Variants in AFAP1 observed in about 807,000 individuals in gnomAD.
AFAP1 encodes the protein actin filament associated protein 1, also known as actin filament-associated protein 1.
Under a neutral mutation model 93.9 loss-of-function variants are expected in AFAP1, and 75 were observed. The ratio of observed to expected loss-of-function variants is 0.80; its 90% confidence interval spans 0.66 to 0.97. AFAP1 has a LOEUF of 0.97. AFAP1 is among the 50% of genes least tolerant of loss of function. The probability of loss-of-function intolerance (pLI) is 0.00; values close to 1 mark genes in which losing one functional copy is unlikely to be tolerated. For missense variants in AFAP1, 1,201 were observed against 1,050.8 expected, an observed-to-expected ratio of 1.14 and a Z score of -1.98; for synonymous variants, 517 against 430.7, an observed-to-expected ratio of 1.20 and a Z score of -2.48.
chr4:7,805,805 C>T (rs1034937473), intron 9 of AFAP1, among the ~76,000 whole-genome samples: 7 of 152,182 alleles, frequency 4.6e-5, no homozygotes, highest in East Asian at 1.9e-4. Flanking sequence ...AAAAGTGAAG[C>T]GGGGACAGCA....
At chr4:7,845,176 C>G (rs1183444430) in intron 4 of AFAP1, among the ~76,000 whole-genome samples, 1 of 152,132 alleles carries the variant, frequency 6.6e-6, no homozygotes, top group Non-Finnish European at 1.5e-5. Flanking sequence ...AATCGCAGCC[C>G]TTTGGGAGGC....
rs371904848 is a variant in AFAP1, at chr4:7,766,846, C to T, written c.2418+1998G>A. Reference sequence around the variant, plus strand: ...GGTTATGAGCCAGGAAGCCCTGGGGCACGGGATTGGAAGCCGTCTGACTTT... The same window carrying T: ...GGTTATGAGCCAGGAAGCCCTGGGGTACGGGATTGGAAGCCGTCTGACTTT... On this transcript the variant is annotated intron_variant, in intron 17 of 17. Transcript: ENST00000420658. Among the ~76,000 whole-genome samples, 10 of 152,262 alleles carry T rather than the reference C, an allele frequency of 6.6e-5. No homozygotes were observed. The East Asian group carries it at 1.4e-3, about 21-fold the overall frequency.
rs182139815 is a variant in AFAP1 at position 7,822,261 on chromosome 4, C to A, written c.727-3090G>T. ...TGTTTATGTGAAGCTGAGCAATTCT[C>A]AGAGCCTTGCTTCCTTCCTCAATAA... is the stretch of plus-strand genomic sequence containing the variant. On this transcript the variant is annotated intron_variant, in intron 6 of 17. Coordinates refer to ENST00000420658, the MANE Select transcript of AFAP1 (RefSeq NM_001134647.2). Among the ~76,000 whole-genome samples, 128 of 152,288 alleles carry A rather than the reference C, an allele frequency of 8.4e-4. 1 individual carries two copies. Among genetic ancestry groups the A allele is most frequent in the Non-Finnish European group, 3.8e-4 (26 of 68,028 alleles).
intron 1 of AFAP1, among the ~76,000 whole-genome samples, chr4:7,893,280 C>T (rs181721041): frequency 5.5e-4 from 83 of 152,238 alleles, no homozygotes; most frequent in South Asian, 3.9e-3. Context: ...ACACTTTTAA[C>T]GTAAAAAAGC....
chr4:7,903,041 G>C (rs28444857), intron 1 of AFAP1, among the ~76,000 whole-genome samples: 2 of 152,184 alleles, frequency 1.3e-5, no homozygotes, highest in Admixed American at 1.3e-4. Flanking sequence ...CTCCAGGCAA[G>C]TATCTGAGGA....
chr4:7,870,427 A>C (rs956626997), intron 2 of AFAP1, among the ~76,000 whole-genome samples: 1 of 152,188 alleles, frequency 6.6e-6, no homozygotes, highest in Non-Finnish European at 1.5e-5. Context: ...TTGGAGGCCG[A>C]GGCAGGCAGA....
chr4:7,868,586 A>C lies in AFAP1; in HGVS notation c.225+36T>G, dbSNP rs201858417. 1.4e-4 allele frequency: 223 copies of C among 1,590,462 alleles called. No individual in the cohort carries two copies. The African/African-American group carries it at 2.5e-3, about 18-fold the overall frequency. ...AGCCCGTAAGTACCCCCAGGCCTCC[A>C]GCGATGACCACTGAGATGGTGGGAC... On this transcript the variant is annotated intron_variant, in intron 3 of 17. Coordinates refer to ENST00000420658, the MANE Select transcript of AFAP1 (RefSeq NM_001134647.2).
chr4:7,837,958 G>A (rs1712511516), intron 6 of AFAP1, among the ~76,000 whole-genome samples: 1 of 152,136 alleles, frequency 6.6e-6, no homozygotes, highest in Non-Finnish European at 1.5e-5. Context: ...AGGTTGCAGT[G>A]AACCACGATC....
intron 3 of AFAP1, among the ~76,000 whole-genome samples, chr4:7,864,566 C>G (rs1355304474): frequency 6.6e-6 from 1 of 152,158 alleles, no homozygotes; most frequent in Non-Finnish European, 1.5e-5. Context: ...GACAGCTGTT[C>G]TCTATTCCCT....
intron 11 of AFAP1, among the ~76,000 whole-genome samples, chr4:7,786,600 GT>G (rs1717286694): frequency 6.6e-6 from 1 of 150,454 alleles, no homozygotes; most frequent in East Asian, 2.2e-4. Flanking sequence ...AATACCAAGC[GT>G]TTTGATTATC....
chr4:7,871,807 TA>T, intron 2 of AFAP1, 144 bp downstream of exon 2: 1 of 1,181,752 alleles, frequency 8.5e-7, no homozygotes, highest in Non-Finnish European at 1.2e-6. Context: ...GGCACAAGTG[TA>T]AACCCTCAAT....
chr4:7,903,327 G>T (rs1184704453), intron 1 of AFAP1, among the ~76,000 whole-genome samples: 1 of 152,208 alleles, frequency 6.6e-6, no homozygotes, highest in Non-Finnish European at 1.5e-5. Flanking sequence ...AATACACCAG[G>T]AAACTGGAAA....
Position 7,893,896 on chromosome 4 carries a change from C to T in AFAP1, c.-2-21816G>A, listed in dbSNP as rs1196077252. ...GTGTAGAAGGGAACCAGCAATAATG[C>T]TCCTTAAGGAAATAATGCAAACGCT... is the stretch of plus-strand genomic sequence containing the variant. On this transcript the variant is annotated intron_variant, in intron 1 of 17. Transcript: ENST00000420658. Among the ~76,000 whole-genome samples the T allele has an allele frequency of 2.6e-5, 4 of 152,170 alleles. No individual in the cohort carries two copies. In the East Asian group the frequency reaches 7.7e-4, roughly 29 times the overall value.
chr4:7,792,907 T>C (rs951878231), intron 11 of AFAP1, among the ~76,000 whole-genome samples: 2 of 152,218 alleles, frequency 1.3e-5, no homozygotes, highest in Non-Finnish European at 2.9e-5. Context: ...TGATTATTCA[T>C]ACGGCGAAGG....
chr4:7,895,298 T>C (rs572710392), intron 1 of AFAP1, among the ~76,000 whole-genome samples: 3 of 152,332 alleles, frequency 2.0e-5, no homozygotes, highest in South Asian at 2.1e-4. Context: ...TTAAATGTCA[T>C]TATGTGAAGA....
intron 6 of AFAP1, among the ~76,000 whole-genome samples, chr4:7,823,350 G>C (rs551448456): frequency 8.2e-4 from 125 of 152,266 alleles, no homozygotes; most frequent in African/African-American, 2.8e-3. Flanking sequence ...AAGAAACGTA[G>C]GCCATCACTA....
chr4:7,773,134 G>T (rs1715674926), intron 15 of AFAP1, 124 bp from the exon 16 acceptor site: 1 of 1,407,920 alleles, frequency 7.1e-7, no homozygotes, highest in Admixed American at 2.8e-5. Context: ...CCTGACTTAG[G>T]TCCTCGTTGT....
At position 7,772,998 on chromosome 4, in the gene AFAP1, T is replaced by C; in HGVS notation, c.2075A>G (p.Gln692Arg). The C allele has an allele frequency of 1.2e-6, 2 of 1,609,416 alleles. No individual in the cohort carries two copies. Among genetic ancestry groups the C allele is most frequent in the Non-Finnish European group, 1.7e-6 (2 of 1,179,870 alleles). The stretch of plus-strand genomic sequence containing the variant: ...CTTCAGCTTCTCCTCCAGGATCGCC[T>C]GCGGCTTCCTGCCTGGAATTCCCAG... Reference protein sequence around the residue: ...AIEVNAGRKPQAILEEKLKQL... With the variant: ...AIEVNAGRKPRAILEEKLKQL... The change falls in exon 16 of 18, where the codon CAG becomes CGG. Residue 692 changes from glutamine to arginine, a missense_variant. Physicochemically the swap from Gln to Arg is conservative, Grantham distance 43. Transcript: ENST00000420658.
intron 1 of AFAP1, among the ~76,000 whole-genome samples, chr4:7,935,459 C>T (rs536239087): frequency 6.6e-6 from 1 of 152,206 alleles, no homozygotes; most frequent in East Asian, 1.9e-4. Context: ...AAATAATAGA[C>T]ACCTATACAA....
Sources: gnomAD v4.1 joint callset for allele counts (sites outside exome capture counted in the v4.1 genomes callset) on GRCh38, gnomAD v4.1.1 for gene constraint, MANE v1.5 for transcripts, NCBI Gene and HGNC (gene_info 2026-07-23, HGNC 2026-07-21) for gene names.